The following NOS2 variants were observed in gnomAD, a reference collection of about 807,000 sequenced individuals.
NOS2 encodes the protein nitric oxide synthase 2.
In NOS2, 96 loss-of-function variants were observed where a neutral mutation model predicts 136.0. That is an observed-to-expected ratio of 0.71 (90% CI 0.60 to 0.84). NOS2 has a LOEUF of 0.84. Among genes scored for constraint, NOS2 ranks in the 40% least tolerant of loss-of-function variants. The pLI is 0.00. For missense variants in NOS2, 1,237 were observed against 1,496.9 expected (o/e 0.83, Z 2.87); for synonymous variants, 539 against 587.5 (o/e 0.92, Z 1.20).
At chr17:27,772,093 T>G (rs1328082877) in intron 14 of NOS2, among the ~76,000 whole-genome samples, 2 of 152,248 alleles carry the variant, frequency 1.3e-5, no homozygotes, top group Admixed American at 1.3e-4. Flanking sequence ...AAAGTGTTTC[T>G]CAAACTGTGT....
rs1357746838 is a variant in NOS2, at chr17:27,774,022, C to T, written c.1476+235G>A. Among the ~76,000 whole-genome samples the T allele has an allele frequency of 2.0e-5, 3 of 152,216 alleles. No homozygotes were observed. The East Asian group carries it at 5.8e-4, about 29-fold the overall frequency. ...GTGGAAGCAGGTGTAATGACAGACC[C>T]CCCATCTGAGCCACAGGCCACTAGC... On this transcript the variant is annotated intron_variant, in intron 12 of 26. Coordinates refer to ENST00000313735, the MANE Select transcript of NOS2 (RefSeq NM_000625.4).
intron 22 of NOS2, 50 bp downstream of exon 22, chr17:27,762,748 C>T (rs1908170440): frequency 2.3e-6 from 3 of 1,306,238 alleles, no homozygotes; most frequent in Non-Finnish European, 3.2e-6. Flanking sequence ...GAACAGATGT[C>T]CAATAATGGG....
rs202206598 is a variant in NOS2, at chr17:27,779,050, C to T, written c.1011G>A (p.Glu337=). The change falls in exon 10 of 27, where the codon GAG becomes GAA. Residue 337 remains glutamate (E), a synonymous_variant. Coordinates refer to ENST00000313735, the MANE Select transcript of NOS2 (RefSeq NM_000625.4). The stretch of plus-strand genomic sequence containing the variant: ...ACTTTAGCTCCAGTTCCCGAAACCA[C>T]TCGTATCTGGCAAAAAGGTAGACAC... ...LEVAMEHPKY[E]WFRELELKWY... 2.6e-5 allele frequency: 39 copies of T among 1,507,998 alleles called. No homozygotes were observed. The South Asian group carries it at 4.9e-4, about 19-fold the overall frequency. The allele number at this position is 1,507,998 out of a possible 1,614,324, so 93.4% of individuals were successfully genotyped here. A position where few individuals can be genotyped will look rare whatever the true frequency, so the allele number is the denominator to read the frequency against.
chr17:27,760,552 G>A lies in NOS2; in HGVS notation c.3010+71C>T, dbSNP rs1908085762. ...AGAGAGGTCAGGAACCGTTTGTGGGGCTGCAGTTCTGCTCCTAGGCAGGCG... is the reference window on the plus strand; with the variant it reads ...AGAGAGGTCAGGAACCGTTTGTGGGACTGCAGTTCTGCTCCTAGGCAGGCG... On this transcript the variant is annotated intron_variant, in intron 24 of 26. Transcript: ENST00000313735. 3 of 1,543,668 alleles carry A rather than the reference G, an allele frequency of 1.9e-6. No individual in the cohort carries two copies. In the East Asian group the frequency reaches 7.3e-5, roughly 38 times the overall value.
At position 27,774,264 on chromosome 17, in the gene NOS2, T is replaced by C; in HGVS notation, c.1469A>G (p.Tyr490Cys). The C allele has an allele frequency of 1.3e-6, 2 of 1,497,876 alleles. No homozygotes were observed. The highest frequency in any genetic ancestry group is 2.8e-5 in the South Asian group (2 of 71,388). 92.8% of individuals were successfully genotyped at this position (1,497,876 alleles called of 1,614,324 possible). The change falls in exon 12 of 27, where the codon TAC (tyrosine) becomes TGC (cysteine). Residue 490 changes from tyrosine (Y) to cysteine (C), a missense_variant. Around this residue, in one of 3 missense-constraint regions of NOS2, gnomAD observed 782 missense variants for 909.9 expected, o/e 0.86. Coordinates refer to ENST00000313735, the MANE Select transcript of NOS2 (RefSeq NM_000625.4). ...AAGAGGAAGGCCCCTAACCTGATAGTAGTAGAAAGGGGACAGGACGTAGTT... is the reference window on the plus strand; with the variant it reads ...AAGAGGAAGGCCCCTAACCTGATAGCAGTAGAAAGGGGACAGGACGTAGTT... ...MLNYVLSPFYYYQVEAWKTHV... is the reference protein window; with the variant it reads ...MLNYVLSPFYCYQVEAWKTHV...
intron 2 of NOS2, among the ~76,000 whole-genome samples, chr17:27,790,909 T>G (rs1909164702): frequency 6.6e-6 from 1 of 152,178 alleles, no homozygotes; most frequent in African/African-American, 2.4e-5. Flanking sequence ...CATATTGTGT[T>G]CCATGTTCTT....
chr17:27,767,454 T>C lies in NOS2; in HGVS notation c.2167+251A>G, dbSNP rs559790058. ...CATGTGGGCCAGGAGCCCCGCACAG[T>C]GTCTGACACACAGTAGGCCCTTGGC... is the stretch of plus-strand genomic sequence containing the variant. On this transcript the variant is annotated intron_variant, in intron 18 of 26. Transcript: ENST00000313735. Among the ~76,000 whole-genome samples, 3 of 152,366 alleles carry C rather than the reference T, an allele frequency of 2.0e-5. No homozygotes were observed. In the East Asian group the frequency reaches 5.8e-4, roughly 29 times the overall value.
intron 11 of NOS2, among the ~76,000 whole-genome samples, chr17:27,775,484 C>A (rs182524284): frequency 4.4e-4 from 67 of 152,252 alleles, no homozygotes; most frequent in African/African-American, 1.6e-3. Context: ...CACCTGTAAT[C>A]CCAGCTACTC....
At chr17:27,758,854 CT>C (rs28944206) in intron 26 of NOS2, 26 bp downstream of exon 26, 20 of 1,420,628 alleles carry the variant, frequency 1.4e-5, no homozygotes, top group African/African-American at 4.4e-5. Context: ...TGGCCGGCAC[CT>C]TCAGCCCACA....
intron 1 of NOS2, among the ~76,000 whole-genome samples, chr17:27,799,353 T>C (rs933949055): frequency 6.6e-5 from 10 of 152,256 alleles, no homozygotes; most frequent in African/African-American, 1.9e-4. Context: ...GTAGCTACCT[T>C]TCTTTTAAAG....
At chr17:27,775,571 C>G (rs149940587) in intron 11 of NOS2, among the ~76,000 whole-genome samples, 3,876 of 152,202 alleles carry the variant, frequency 0.025, 65 homozygotes, top group Middle Eastern at 0.065. Flanking sequence ...CACTGCACTC[C>G]AGCCTGGGTG....
At chr17:27,781,826 G>A (rs550571058) in intron 7 of NOS2, among the ~76,000 whole-genome samples, 189 bp downstream of exon 7, 1 of 152,206 alleles carries the variant, frequency 6.6e-6, no homozygotes, top group Non-Finnish European at 1.5e-5. Context: ...TTGCCGATGG[G>A]AGCTGAGCTC....
chr17:27,756,980 CCACTTGCCAGGCCTGG>C lies in NOS2; in HGVS notation c.*250_*265del, dbSNP rs1172411482. 4.9e-6 allele frequency: 2 copies of C among 411,138 alleles called. No homozygotes were observed. The highest frequency in any genetic ancestry group is 4.1e-5 in the African/African-American group (2 of 48,870). 25.5% of individuals were successfully genotyped at this position (411,138 alleles called of 1,614,324 possible). On this transcript the variant is annotated 3_prime_UTR_variant, in exon 27 of 27. Transcript: ENST00000313735. ...CTCAGCAGCAAGTTCCATCTTTCAC[CCACTTGCCAGGCCTGG>C]CATTTAAGATTTTGTCTCCAAGGGA...
At chr17:27,793,298 AC>A (rs1294205584) in intron 2 of NOS2, among the ~76,000 whole-genome samples, 2 of 151,942 alleles carry the variant, frequency 1.3e-5, no homozygotes, top group African/African-American at 4.8e-5. Context: ...GCAACTTTCA[AC>A]CCCAGTGCTG....
chr17:27,767,993 G>A lies in NOS2; in HGVS notation c.2035-156C>T, dbSNP rs148226964. Among the ~76,000 whole-genome samples, 5 of 152,330 alleles carry A rather than the reference G, an allele frequency of 3.3e-5. No homozygotes were observed. In the East Asian group the frequency reaches 9.6e-4, roughly 29 times the overall value. ...CACTTACCTGATAGGGTGACAGCAAGGACTCAAAGAGGTGTCTGGGCTTGG... is the reference window on the plus strand; with the variant it reads ...CACTTACCTGATAGGGTGACAGCAAAGACTCAAAGAGGTGTCTGGGCTTGG... On this transcript the variant is annotated intron_variant, in intron 17 of 26. Transcript: ENST00000313735.
chr17:27,764,275 C>T (rs1908226914), intron 20 of NOS2, 131 bp from the exon 21 acceptor site: 1 of 531,634 alleles, frequency 1.9e-6, no homozygotes, highest in East Asian at 3.6e-5. Context: ...AGACCTGGCT[C>T]TAAGAGCAAA....
In NOS2 at chr17:27,757,037, T is replaced by C. The variant is rs1253723101; in HGVS notation, c.*209A>G. 2.2e-6 allele frequency: 1 copy of C among 456,876 alleles called. No individual in the cohort carries two copies. The highest frequency in any genetic ancestry group is 3.5e-5 in the East Asian group (1 of 28,216). The allele number at this position is 456,876 out of a possible 1,614,324, so 28.3% of individuals were successfully genotyped here. A position where few individuals can be genotyped will look rare whatever the true frequency, so the allele number is the denominator to read the frequency against. ...CTCCAAGGGACCAGGGAGGCCCCAGTTTGAGAGAGGAGGCTCCGATCAATC... is the reference window on the plus strand; with the variant it reads ...CTCCAAGGGACCAGGGAGGCCCCAGCTTGAGAGAGGAGGCTCCGATCAATC... On this transcript the variant is annotated 3_prime_UTR_variant, in exon 27 of 27. Coordinates refer to ENST00000313735, the MANE Select transcript of NOS2 (RefSeq NM_000625.4).
intron 2 of NOS2, among the ~76,000 whole-genome samples, chr17:27,798,013 T>C (rs369176862): frequency 6.6e-6 from 1 of 152,244 alleles, no homozygotes; most frequent in African/African-American, 2.4e-5. Flanking sequence ...TCAAGTGGCC[T>C]GTGTAGCTCT....
intron 2 of NOS2, among the ~76,000 whole-genome samples, chr17:27,791,568 T>C (rs1188898027): frequency 1.3e-5 from 2 of 151,908 alleles, no homozygotes; most frequent in Non-Finnish European, 2.9e-5. Flanking sequence ...CCCACCCTGA[T>C]CCTTGGCTAT....
Sources: allele counts gnomAD v4.1 joint callset (sites outside exome capture counted in the v4.1 genomes callset), GRCh38; gene constraint gnomAD v4.1.1; regional missense constraint gnomAD v4.1.1; transcripts MANE v1.5; gene names NCBI Gene and HGNC (gene_info 2026-07-23, HGNC 2026-07-21).